The following TMTC1 variants were observed in gnomAD, a reference collection of about 807,000 sequenced individuals.
TMTC1 encodes the protein protein O-mannosyl-transferase TMTC1.
In TMTC1, 73 loss-of-function variants were observed where a neutral mutation model predicts 104.8. That is an observed-to-expected ratio of 0.70 (90% CI 0.58 to 0.85). The LOEUF (loss-of-function observed/expected upper bound fraction) is 0.85. Ranked by LOEUF, TMTC1 falls within the 40% of genes least tolerant of loss-of-function variation. The pLI is 0.00. For missense variants in TMTC1, 1,035 were observed against 1,096.1 expected, an observed-to-expected ratio of 0.94 and a Z score of 0.79; for synonymous variants, 434 against 428.7, an observed-to-expected ratio of 1.01 and a Z score of -0.15.
At chr12:29,570,885 C>G (rs943939418) in intron 9 of TMTC1, among the ~76,000 whole-genome samples, 3 of 90,568 alleles carry the variant, frequency 3.3e-5, no homozygotes, top group Admixed American at 2.3e-4. Flanking sequence ...AGAAACACCC[C>G]CCCCCCCCGC....
chr12:29,630,427 GTA>G (rs2136496754), intron 6 of TMTC1, among the ~76,000 whole-genome samples: 1 of 152,212 alleles, frequency 6.6e-6, no homozygotes, highest in South Asian at 2.1e-4. Flanking sequence ...CAGCATGTGG[GTA>G]ACTGCCCCCA....
intron 5 of TMTC1, among the ~76,000 whole-genome samples, chr12:29,684,121 G>A (rs1177189560): frequency 6.6e-6 from 1 of 152,194 alleles, no homozygotes; most frequent in Non-Finnish European, 1.5e-5. Flanking sequence ...TGCGATTACA[G>A]GCATGAGCCC....
intron 11 of TMTC1, among the ~76,000 whole-genome samples, chr12:29,528,575 G>A (rs533326360): frequency 6.6e-6 from 1 of 152,236 alleles, no homozygotes; most frequent in South Asian, 2.1e-4. Flanking sequence ...GGAAGGAAAA[G>A]TGAAAAATAG....
intron 5 of TMTC1, among the ~76,000 whole-genome samples, chr12:29,741,347 T>TGG (rs1942820220): frequency 1.3e-5 from 2 of 152,194 alleles, no homozygotes; most frequent in Non-Finnish European, 2.9e-5. Flanking sequence ...CTCACACAGT[T>TGG]TCTAACTACA....
chr12:29,688,031 G>A (rs3964), intron 5 of TMTC1, among the ~76,000 whole-genome samples: 38,801 of 151,974 alleles, frequency 0.26, 5,587 homozygotes, highest in African/African-American at 0.36. Context: ...CTTGATTTAA[G>A]AAAACATACA....
intron 6 of TMTC1, among the ~76,000 whole-genome samples, chr12:29,619,522 T>C (rs1488071084): frequency 1.3e-5 from 2 of 152,242 alleles, no homozygotes; most frequent in African/African-American, 4.8e-5. Context: ...GCATTTCTAG[T>C]GTCCACGTTG....
intron 11 of TMTC1, among the ~76,000 whole-genome samples, chr12:29,521,592 G>A (rs1303250626): frequency 7.4e-6 from 1 of 134,952 alleles, no homozygotes. Flanking sequence ...TTGAGACAGA[G>A]AGTCTCACTT....
In TMTC1 at chr12:29,573,046, T is replaced by C. The variant is rs568420373; in HGVS notation, c.1419-828A>G. On this transcript the variant is annotated intron_variant, in intron 8 of 17. Coordinates refer to ENST00000539277, the MANE Select transcript of TMTC1 (RefSeq NM_001193451.2). ...TGTGGAAACCCATGCAACTGGTTAG[T>C]GTGAAAGACTCTCTCTCGCTCCCCT... 5.3e-5 allele frequency among the ~76,000 whole-genome samples: 8 copies of C among 152,268 alleles called. No individual in the cohort carries two copies. In the East Asian group the frequency reaches 9.7e-4, roughly 18 times the overall value.
chr12:29,704,288 G>C (rs183907534), intron 5 of TMTC1, among the ~76,000 whole-genome samples: 24 of 152,298 alleles, frequency 1.6e-4, no homozygotes, highest in Admixed American at 3.9e-4. Context: ...GAAAGTTATT[G>C]CAAGTCCAGC....
chr12:29,635,431 C>T (rs77749442), intron 5 of TMTC1, among the ~76,000 whole-genome samples: 180 of 152,248 alleles, frequency 1.2e-3, no homozygotes, highest in Non-Finnish European at 2.1e-3. Flanking sequence ...TCAGTCACAT[C>T]CCAGCTCTTA....
rs887919881 is a variant in TMTC1 at position 29,638,030 on chromosome 12, C to T, written c.939-4694G>A. Among the ~76,000 whole-genome samples the T allele has an allele frequency of 2.6e-5, 4 of 152,184 alleles. No individual in the cohort carries two copies. In the East Asian group the frequency reaches 7.7e-4, roughly 29 times the overall value. ...TGAGGAGCACCCCACCCGGCCCAGA[C>T]TCTACTGATACCGCTGACATGGGAG... On this transcript the variant is annotated intron_variant, in intron 5 of 17. Transcript: ENST00000539277.
chr12:29,762,447 T>C (rs1026234011), intron 2 of TMTC1, among the ~76,000 whole-genome samples: 3 of 152,230 alleles, frequency 2.0e-5, no homozygotes, highest in Non-Finnish European at 2.9e-5. Context: ...GTGTGGCTTA[T>C]AGAAATCATC....
chr12:29,699,700 T>C (rs1941528889), intron 5 of TMTC1, among the ~76,000 whole-genome samples: 1 of 137,902 alleles, frequency 7.3e-6, no homozygotes. Flanking sequence ...TCACCCAGGC[T>C]GGAGTGCTGT....
At chr12:29,585,756 C>T (rs1033715261) in intron 7 of TMTC1, among the ~76,000 whole-genome samples, 6 of 152,144 alleles carry the variant, frequency 3.9e-5, no homozygotes, top group Admixed American at 6.6e-5. Context: ...TGTAGATATG[C>T]AGCATTATTT....
chr12:29,530,892 C>T (rs142332158), intron 11 of TMTC1, among the ~76,000 whole-genome samples: 53 of 152,322 alleles, frequency 3.5e-4, no homozygotes, highest in African/African-American at 1.2e-3. Flanking sequence ...CTTTTCCTTT[C>T]ACTTTTACCC....
intron 5 of TMTC1, among the ~76,000 whole-genome samples, chr12:29,659,235 T>C (rs893261030): frequency 6.6e-6 from 1 of 152,226 alleles, no homozygotes; most frequent in African/African-American, 2.4e-5. Flanking sequence ...GTGCCTGCTA[T>C]GGTTTGGATA....
intron 5 of TMTC1, among the ~76,000 whole-genome samples, chr12:29,650,463 C>T (rs556496161): frequency 1.3e-5 from 2 of 152,238 alleles, no homozygotes; most frequent in South Asian, 4.2e-4. Flanking sequence ...CTCAGGTCAT[C>T]CCAGCCACCT....
Position 29,768,049 on chromosome 12 carries a change from T to C in TMTC1, c.329A>G (p.Asn110Ser). 6.2e-7 allele frequency: 1 copy of C among 1,608,302 alleles called. No homozygotes were observed. Among genetic ancestry groups the C allele is most frequent in the Non-Finnish European group, 8.5e-7 (1 of 1,177,748 alleles). The change falls in exon 2 of 18, where the codon AAC (asparagine) becomes AGC (serine). Residue 110 changes from asparagine to serine, a missense_variant. Transcript: ENST00000539277. ...ATTTACTGCATGAAAGTAGAATGGG[T>C]TCATACCAGTCAAAAATATGTTTAG... ...FKLNIFLTGM[N>S]PFYFHAVNII...
At chr12:29,657,374 T>G (rs565925075) in intron 5 of TMTC1, among the ~76,000 whole-genome samples, 1 of 152,192 alleles carries the variant, frequency 6.6e-6, no homozygotes, top group Non-Finnish European at 1.5e-5. Flanking sequence ...CAGGGAGAGA[T>G]ACCTAAAAAT....
Sources: gnomAD v4.1 joint callset for allele counts (sites outside exome capture counted in the v4.1 genomes callset) on GRCh38, gnomAD v4.1.1 for gene constraint, MANE v1.5 for transcripts, NCBI Gene and HGNC (gene_info 2026-07-23, HGNC 2026-07-21) for gene names.